The following MB21D2 variants were observed in gnomAD, a reference collection of about 807,000 sequenced individuals.
MB21D2 encodes the protein Mab-21 domain containing 2.
Under a neutral mutation model 33.3 loss-of-function variants are expected in MB21D2, and 9 were observed. That is an observed-to-expected ratio of 0.27 (90% confidence interval 0.16 to 0.47). The LOEUF is 0.47. Among genes scored for constraint, MB21D2 ranks in the 20% least tolerant of loss-of-function variants. MB21D2 has a pLI of 0.99. For missense variants in MB21D2, 540 were observed against 624.6 expected (o/e 0.86, Z 1.44); for synonymous variants, 241 against 236.3 (o/e 1.02, Z -0.18).
At chr3:192,890,463 G>A (rs867594216) in intron 1 of MB21D2, among the ~76,000 whole-genome samples, 14 of 151,948 alleles carry the variant, frequency 9.2e-5, no homozygotes, top group Middle Eastern at 3.2e-3. Context: ...TTAGAATGGG[G>A]CAGGCTTAGC....
intron 1 of MB21D2, among the ~76,000 whole-genome samples, chr3:192,859,176 G>C (rs1233183596): frequency 6.6e-6 from 1 of 151,688 alleles, no homozygotes; most frequent in Non-Finnish European, 1.5e-5. Context: ...AGAGCAAATC[G>C]TGTTTCACCT....
chr3:192,891,111 T>C (rs1361418898), intron 1 of MB21D2, among the ~76,000 whole-genome samples: 3 of 152,156 alleles, frequency 2.0e-5, no homozygotes, highest in Non-Finnish European at 4.4e-5. Context: ...CTTATAGAAG[T>C]TTTCTGGTCA....
chr3:192,901,411 TTCAAAA>T (rs1225779014), intron 1 of MB21D2, among the ~76,000 whole-genome samples: 1 of 28,136 alleles, frequency 3.6e-5, no homozygotes, highest in Non-Finnish European at 7.7e-5. Flanking sequence ...CTACTAAAAA[TTCAAAA>T]AAAAAAAAAA....
At chr3:192,890,587 A>G (rs1364325628) in intron 1 of MB21D2, among the ~76,000 whole-genome samples, 4 of 121,778 alleles carry the variant, frequency 3.3e-5, no homozygotes, top group East Asian at 4.1e-4. Context: ...ATGATTACAG[A>G]AAAAAAAAAA....
chr3:192,806,932 T>C (rs1333220765), intron 1 of MB21D2, among the ~76,000 whole-genome samples: 6 of 152,178 alleles, frequency 3.9e-5, no homozygotes, highest in East Asian at 3.9e-4. Flanking sequence ...CATCAACCAC[T>C]GTGGGCCTTG....
intron 1 of MB21D2, among the ~76,000 whole-genome samples, chr3:192,829,805 C>T (rs1192843706): frequency 6.6e-6 from 1 of 152,228 alleles, no homozygotes; most frequent in Non-Finnish European, 1.5e-5. Flanking sequence ...CAGCTCACTG[C>T]AGCTTCAACC....
In MB21D2 at chr3:192,796,839, T is replaced by A; in HGVS notation, c.*1547A>T. ...ATTTCAAGGCCAGTATGTTTCTTTTTTTATTATTTTTGTGTTTGACTTAGA... is the reference window on the plus strand; with the variant it reads ...ATTTCAAGGCCAGTATGTTTCTTTTATTATTATTTTTGTGTTTGACTTAGA... On this transcript the variant is annotated 3_prime_UTR_variant, in exon 2 of 2. Coordinates refer to ENST00000392452, the MANE Select transcript of MB21D2 (RefSeq NM_178496.4). The A allele has an allele frequency of 6.6e-6, 1 of 152,406 alleles. No individual in the cohort carries two copies. Among genetic ancestry groups the A allele is most frequent in the East Asian group, 1.9e-4 (1 of 5,198 alleles). The allele number at this position is 152,406 out of a possible 1,614,324, so 9.4% of individuals were successfully genotyped here. A position where few individuals can be genotyped will look rare whatever the true frequency, so the allele number is the denominator to read the frequency against.
chr3:192,821,985 T>C (rs1712069525), intron 1 of MB21D2, among the ~76,000 whole-genome samples: 1 of 152,182 alleles, frequency 6.6e-6, no homozygotes, highest in Non-Finnish European at 1.5e-5. Flanking sequence ...TGCATTCCGG[T>C]TGCAAACTGA....
intron 1 of MB21D2, among the ~76,000 whole-genome samples, chr3:192,874,885 C>T (rs1271468613): frequency 6.6e-6 from 1 of 152,108 alleles, no homozygotes; most frequent in Admixed American, 6.6e-5. Context: ...CCAAATGATC[C>T]TCAGGGTTTC....
At chr3:192,815,881 G>A (rs528349569) in intron 1 of MB21D2, among the ~76,000 whole-genome samples, 1 of 152,292 alleles carries the variant, frequency 6.6e-6, no homozygotes, top group Admixed American at 6.5e-5. Flanking sequence ...TAGATAAAGT[G>A]ATTGCATCAC....
rs1391823363 is a variant in MB21D2 at position 192,823,800 on chromosome 3, T to C, written c.212-24150A>G. The stretch of plus-strand genomic sequence containing the variant: ...CAGTACTCATGTTAACCTGTTTTAT[T>C]CAAATAAAGTTTTTTAATAAAACTG... On this transcript the variant is annotated intron_variant, in intron 1 of 1. Coordinates refer to ENST00000392452, the MANE Select transcript of MB21D2 (RefSeq NM_178496.4). 5.3e-5 allele frequency among the ~76,000 whole-genome samples: 8 copies of C among 152,172 alleles called. No individual in the cohort carries two copies. The East Asian group carries it at 1.5e-3, about 29-fold the overall frequency.
intron 1 of MB21D2, among the ~76,000 whole-genome samples, chr3:192,878,191 G>A (rs11917785): frequency 8.9e-5 from 13 of 145,742 alleles, no homozygotes; most frequent in Admixed American, 1.4e-4. Flanking sequence ...GCTCCGCCTC[G>A]CGGGTTCACG....
intron 1 of MB21D2, among the ~76,000 whole-genome samples, chr3:192,835,153 T>TTA (rs542816754): frequency 2.6e-5 from 2 of 75,806 alleles, no homozygotes; most frequent in Non-Finnish European, 6.6e-5. Context: ...AAAGTGTCTT[T>TTA]AAAAAAAAAA....
chr3:192,877,922 TG>T (rs1354523989), intron 1 of MB21D2, among the ~76,000 whole-genome samples: 1 of 151,634 alleles, frequency 6.6e-6, no homozygotes, highest in Non-Finnish European at 1.5e-5. Flanking sequence ...GTTAAAGATT[TG>T]GGGTTCCCAA....
intron 1 of MB21D2, among the ~76,000 whole-genome samples, chr3:192,907,890 C>G (rs1222970749): frequency 6.6e-6 from 1 of 152,140 alleles, no homozygotes; most frequent in Non-Finnish European, 1.5e-5. Context: ...TGCCAGAGGT[C>G]CGGAAGTACC....
chr3:192,805,411 T>C (rs1435917190), intron 1 of MB21D2, among the ~76,000 whole-genome samples: 2 of 152,262 alleles, frequency 1.3e-5, no homozygotes, highest in Admixed American at 6.5e-5. Context: ...TAATATGTTT[T>C]ATATGTCAAA....
intron 1 of MB21D2, among the ~76,000 whole-genome samples, chr3:192,836,048 G>A (rs537789905): frequency 3.0e-4 from 46 of 152,268 alleles, no homozygotes; most frequent in Non-Finnish European, 6.0e-4. Flanking sequence ...ATGGTTATAT[G>A]CTCTGGTTTG....
intron 1 of MB21D2, among the ~76,000 whole-genome samples, chr3:192,807,823 T>A (rs1215991164): frequency 2.0e-5 from 3 of 152,178 alleles, no homozygotes; most frequent in African/African-American, 7.2e-5. Flanking sequence ...ATAATGCTGA[T>A]GATTTAGTGA....
chr3:192,908,467 A>C (rs1453803760), intron 1 of MB21D2, among the ~76,000 whole-genome samples: 4 of 148,268 alleles, frequency 2.7e-5, no homozygotes, highest in Admixed American at 6.8e-5. Flanking sequence ...GACGCGATCT[A>C]GGCTCACTGC....
Sources: allele counts gnomAD v4.1 joint callset (sites outside exome capture counted in the v4.1 genomes callset), GRCh38; gene constraint gnomAD v4.1.1; transcripts MANE v1.5; gene names NCBI Gene and HGNC (gene_info 2026-07-23, HGNC 2026-07-21).